Variants in KIAA1217 observed in about 807,000 individuals in gnomAD.
KIAA1217 encodes the protein sickle tail protein homolog.
Under a neutral mutation model 163.9 loss-of-function variants are expected in KIAA1217, and 88 were observed. The ratio of observed to expected loss-of-function variants is 0.54; its 90% CI spans 0.45 to 0.64. KIAA1217 has a LOEUF of 0.64. KIAA1217 is among the 30% of genes least tolerant of loss of function. The pLI, the probability that KIAA1217 is intolerant of heterozygous loss-of-function variation, is 0.00. For synonymous variants in KIAA1217, 903 were observed against 923.1 expected, an observed-to-expected ratio of 0.98 and a Z score of 0.39; for missense variants, 2,372 against 2,475.0, an observed-to-expected ratio of 0.96 and a Z score of 0.88.
intron 2 of KIAA1217, among the ~76,000 whole-genome samples, chr10:24,344,202 ATAATGT>A (rs999446147): frequency 1.1e-4 from 17 of 152,248 alleles, no homozygotes; most frequent in African/African-American, 4.1e-4. Context: ...AATAAATAAG[ATAATGT>A]TAAAAATAGC....
chr10:24,094,843 C>T (rs1055832798), intron 2 of KIAA1217, among the ~76,000 whole-genome samples: 1 of 152,180 alleles, frequency 6.6e-6, no homozygotes, highest in Non-Finnish European at 1.5e-5. Flanking sequence ...AGAGGTGGAG[C>T]CTACAGTGGC....
chr10:24,076,206 G>T (rs985609891), intron 2 of KIAA1217, among the ~76,000 whole-genome samples: 1 of 152,156 alleles, frequency 6.6e-6, no homozygotes, highest in Admixed American at 6.5e-5. Context: ...AGGCCATGGG[G>T]TTATTTTCCT....
intron 2 of KIAA1217, among the ~76,000 whole-genome samples, chr10:24,303,196 T>G (rs939431395): frequency 6.6e-6 from 1 of 151,950 alleles, no homozygotes; most frequent in Admixed American, 6.6e-5. Flanking sequence ...AAATTTTTTT[T>G]TTAGAGACAG....
chr10:24,504,419 A>G (rs978455124), intron 9 of KIAA1217, among the ~76,000 whole-genome samples: 1 of 152,172 alleles, frequency 6.6e-6, no homozygotes, highest in African/African-American at 2.4e-5. Context: ...GGTCCCATTC[A>G]GCTTTCCTCC....
chr10:24,224,984 G>A (rs960639838), intron 2 of KIAA1217, among the ~76,000 whole-genome samples: 3 of 151,680 alleles, frequency 2.0e-5, no homozygotes, highest in Non-Finnish European at 2.9e-5. Context: ...CCACCACCAC[G>A]CCTAGCTAAT....
intron 2 of KIAA1217, among the ~76,000 whole-genome samples, chr10:24,192,791 C>A (rs1440725265): frequency 6.6e-6 from 1 of 152,146 alleles, no homozygotes; most frequent in Non-Finnish European, 1.5e-5. Flanking sequence ...CTTTATTTAT[C>A]TTTTTGAGAC....
intron 2 of KIAA1217, among the ~76,000 whole-genome samples, chr10:24,231,278 T>C (rs1033314437): frequency 6.6e-6 from 1 of 152,144 alleles, no homozygotes; most frequent in Admixed American, 6.6e-5. Context: ...ATCGTACCAC[T>C]GCACTCCAGC....
In KIAA1217 at chr10:23,924,141, T is replaced by A. The variant is rs557291653; in HGVS notation, c.-320-83084T>A. The stretch of plus-strand genomic sequence containing the variant: ...TTTGAAGTTGGTGATACTGTATTTT[T>A]CCCCACTATTTGCTACTCTGATTCT... On this transcript the variant is annotated intron_variant, in intron 1 of 18. Coordinates refer to the KIAA1217 transcript ENST00000376462. 7.3e-5 allele frequency among the ~76,000 whole-genome samples: 11 copies of A among 151,524 alleles called. No individual in the cohort carries two copies. In the South Asian group the frequency reaches 1.7e-3, roughly 23 times the overall value.
At chr10:24,182,030 AGGAC>A (rs750172100) in intron 2 of KIAA1217, among the ~76,000 whole-genome samples, 11 of 152,222 alleles carry the variant, frequency 7.2e-5, no homozygotes, top group Non-Finnish European at 1.6e-4. Context: ...ATCCAGTTAA[AGGAC>A]CACAAATGTG....
At chr10:23,979,338 A>G (rs1476959048) in intron 1 of KIAA1217, among the ~76,000 whole-genome samples, 2 of 152,148 alleles carry the variant, frequency 1.3e-5, no homozygotes, top group Non-Finnish European at 2.9e-5. Context: ...TGGAAGATCT[A>G]ATGCTCAAAT....
At chr10:23,873,367 C>T (rs1164011870) in intron 1 of KIAA1217, among the ~76,000 whole-genome samples, 1 of 151,930 alleles carries the variant, frequency 6.6e-6, no homozygotes, top group African/African-American at 2.4e-5. Context: ...AAAGGTGGCT[C>T]TTAAAGAAAT....
intron 1 of KIAA1217, among the ~76,000 whole-genome samples, chr10:23,859,904 C>A (rs1839875655): frequency 6.6e-6 from 1 of 151,532 alleles, no homozygotes; most frequent in South Asian, 2.1e-4. Flanking sequence ...GAGTCACAGA[C>A]CTGTAAGACT....
At chr10:23,807,530 A>C (rs1265811176) in intron 1 of KIAA1217, among the ~76,000 whole-genome samples, 1 of 152,196 alleles carries the variant, frequency 6.6e-6, no homozygotes, top group African/African-American at 2.4e-5. Context: ...CCTGGATGTG[A>C]AGTTTATAAA....
intron 1 of KIAA1217, among the ~76,000 whole-genome samples, chr10:23,754,154 A>G (rs944664668): frequency 2.0e-4 from 31 of 152,312 alleles, no homozygotes; most frequent in Admixed American, 9.2e-4. Context: ...ACAGTGCCTG[A>G]CATTTAAGAG....
intron 13 of KIAA1217, among the ~76,000 whole-genome samples, chr10:24,527,199 T>A (rs1208244400): frequency 1.3e-5 from 2 of 152,028 alleles, no homozygotes; most frequent in Non-Finnish European, 2.9e-5. Flanking sequence ...AGAGGGCATA[T>A]AGCAATTCTT....
At position 24,531,988 on chromosome 10, in the gene KIAA1217, G is replaced by A. The variant is rs371056850; in HGVS notation, c.3241G>A (p.Ala1081Thr). The A allele has an allele frequency of 5.4e-5, 85 of 1,561,292 alleles. No individual in the cohort carries two copies. The highest frequency in any genetic ancestry group is 3.0e-4 in the East Asian group (13 of 43,120). Residue 1081 changes from alanine (A) to threonine (T), a missense_variant, in exon 15 of 21, where the codon GCT (alanine) becomes ACT (threonine). Physicochemically the swap from Ala to Thr is moderately conservative, Grantham distance 58. Coordinates refer to ENST00000376454, the MANE Select transcript of KIAA1217 (RefSeq NM_019590.5). ...VYTGRKENIT[A>T]KASSEDAGPS... The stretch of plus-strand genomic sequence containing the variant: ...CACCGGCAGAAAGGAGAACATCACC[G>A]CTAAGGTCTGATAGGCTAAGCCCTG...
At chr10:23,801,206 TC>T (rs1412717109) in intron 1 of KIAA1217, among the ~76,000 whole-genome samples, 1 of 152,178 alleles carries the variant, frequency 6.6e-6, no homozygotes, top group Non-Finnish European at 1.5e-5. Flanking sequence ...ACCATCATTC[TC>T]AGCAAACTAA....
At chr10:23,858,774 G>A (rs1055407867) in intron 1 of KIAA1217, among the ~76,000 whole-genome samples, 7 of 152,028 alleles carry the variant, frequency 4.6e-5, no homozygotes, top group East Asian at 3.9e-4. Context: ...TTCTCTGGGC[G>A]TGGTGCCCTT....
At chr10:23,750,368 G>C (rs1271975345) in intron 1 of KIAA1217, among the ~76,000 whole-genome samples, 1 of 152,068 alleles carries the variant, frequency 6.6e-6, no homozygotes, top group East Asian at 1.9e-4. Context: ...AATCCTAATA[G>C]TCCAGCAGTC....
Sources: gnomAD v4.1 joint callset for allele counts (sites outside exome capture counted in the v4.1 genomes callset) on GRCh38, gnomAD v4.1.1 for gene constraint, MANE v1.5 for transcripts, NCBI Gene and HGNC (gene_info 2026-07-23, HGNC 2026-07-21) for gene names.